The following FOXP1 variants were observed in gnomAD, a reference collection of about 807,000 sequenced individuals.
The protein encoded by FOXP1 is forkhead box protein P1.
Under a neutral mutation model 98.2 loss-of-function variants are expected in FOXP1, and 15 were observed. That is an observed-to-expected ratio of 0.15 (90% CI 0.10 to 0.24). The LOEUF is 0.24. Ranked by LOEUF, FOXP1 falls within the 10% of genes least tolerant of loss-of-function variation. The pLI, the probability that FOXP1 is intolerant of heterozygous loss-of-function variation, is 1.00. For missense variants in FOXP1, 633 were observed against 848.5 expected, an observed-to-expected ratio of 0.75 and a Z score of 3.15; for synonymous variants, 371 against 314.5, an observed-to-expected ratio of 1.18 and a Z score of -1.90.
chr3:71,452,214 A>C (rs2108503860), intron 3 of FOXP1, among the ~76,000 whole-genome samples: 1 of 152,276 alleles, frequency 6.6e-6, no homozygotes, highest in Admixed American at 6.5e-5. Flanking sequence ...CATCAAAAGG[A>C]ACTTTAAAGG....
In FOXP1 at chr3:71,359,195, C is replaced by T. The variant is rs1478307190; in HGVS notation, c.-118G>A. The T allele has an allele frequency of 6.6e-6, 1 of 152,108 alleles. No individual in the cohort carries two copies. Among genetic ancestry groups the T allele is most frequent in the Admixed American group, 6.6e-5 (1 of 15,262 alleles). 9.4% of individuals were successfully genotyped at this position (152,108 alleles called of 1,614,324 possible). A position where few individuals can be genotyped will look rare whatever the true frequency, so the allele number is the denominator to read the frequency against. On this transcript the variant is annotated 5_prime_UTR_variant, in exon 4 of 21. It adds an upstream start codon to the 5' untranslated region. Coordinates refer to ENST00000649528, the MANE Select transcript of FOXP1 (RefSeq NM_001349338.3). Reference sequence around the variant, plus strand: ...CACAGCCATAAAAAGCCTGGGGTCACTGGGAGGGGGCATGCATAATGCCAC... The same window carrying T: ...CACAGCCATAAAAAGCCTGGGGTCATTGGGAGGGGGCATGCATAATGCCAC...
intron 5 of FOXP1, among the ~76,000 whole-genome samples, chr3:71,265,755 T>A (rs2069581651): frequency 1.3e-5 from 2 of 151,924 alleles, no homozygotes; most frequent in Admixed American, 6.6e-5. Context: ...CTGGACCGAC[T>A]CCAAAAGAAC....
intron 3 of FOXP1, among the ~76,000 whole-genome samples, chr3:71,447,632 A>T (rs577592395): frequency 1.3e-5 from 2 of 152,248 alleles, no homozygotes; most frequent in Non-Finnish European, 2.9e-5. Context: ...TCACGCTAGC[A>T]GCATGGTTCT....
chr3:71,330,316 T>C (rs2076216610), intron 4 of FOXP1, among the ~76,000 whole-genome samples: 1 of 152,268 alleles, frequency 6.6e-6, no homozygotes, highest in South Asian at 2.1e-4. Context: ...TTTAATCTTA[T>C]CAATATAAAC....
intron 2 of FOXP1, among the ~76,000 whole-genome samples, chr3:71,549,230 G>A (rs1244760571): frequency 4.6e-5 from 7 of 152,074 alleles, no homozygotes; most frequent in Non-Finnish European, 5.9e-5. Flanking sequence ...TAACACAACC[G>A]AAAGAATGAT....
intron 4 of FOXP1, among the ~76,000 whole-genome samples, chr3:71,313,996 G>A (rs1054283665): frequency 6.6e-6 from 1 of 152,190 alleles, no homozygotes; most frequent in East Asian, 1.9e-4. Context: ...GTGAGCTTAG[G>A]CAAATTGCCT....
At chr3:70,991,854 T>C (rs997348278) in intron 13 of FOXP1, among the ~76,000 whole-genome samples, 2 of 152,214 alleles carry the variant, frequency 1.3e-5, no homozygotes, top group Non-Finnish European at 2.9e-5. Context: ...TGTATGATGC[T>C]TGGTCTGAGT....
intron 17 of FOXP1, among the ~76,000 whole-genome samples, chr3:70,973,539 T>C (rs896901525): frequency 2.0e-5 from 3 of 152,140 alleles, no homozygotes; most frequent in African/African-American, 7.2e-5. Context: ...TAATATCTCA[T>C]CTTTCCTTTG....
intron 3 of FOXP1, among the ~76,000 whole-genome samples, chr3:71,447,557 G>A (rs925622614): frequency 1.3e-5 from 2 of 152,094 alleles, no homozygotes; most frequent in Admixed American, 6.5e-5. Flanking sequence ...TGAAACCATC[G>A]AGGCCTATGT....
intron 19 of FOXP1, chr3:70,969,995 T>A (rs1559593630): frequency 6.6e-6 from 1 of 152,476 alleles, no homozygotes; most frequent in East Asian, 1.9e-4. Flanking sequence ...ATTTAAGAAC[T>A]GAAATGTGCA....
intron 10 of FOXP1, among the ~76,000 whole-genome samples, chr3:71,043,209 T>C (rs921059478): frequency 3.3e-5 from 5 of 152,206 alleles, no homozygotes; most frequent in African/African-American, 9.7e-5. Flanking sequence ...CAGATATTCT[T>C]AGGAGGCATC....
At position 71,501,798 on chromosome 3, in the gene FOXP1, C is replaced by A. The variant is rs868285062; in HGVS notation, c.-297-8243G>T. Among the ~76,000 whole-genome samples, 10 of 152,286 alleles carry A rather than the reference C, an allele frequency of 6.6e-5. No homozygotes were observed. In the South Asian group the frequency reaches 2.1e-3, roughly 32 times the overall value. ...CAATCCACCTTCACGTTTCTGAACT[C>A]GGTGTCTTTTACATCATCTAAGACT... On this transcript the variant is annotated intron_variant, in intron 2 of 20. Transcript: ENST00000649528.
At chr3:70,976,266 C>T (rs914364414) in intron 17 of FOXP1, among the ~76,000 whole-genome samples, 1 of 151,686 alleles carries the variant, frequency 6.6e-6, no homozygotes, top group Admixed American at 6.6e-5. Context: ...GTTGCCCAGG[C>T]TGGTCTCTAA....
intron 3 of FOXP1, among the ~76,000 whole-genome samples, chr3:71,362,200 TCTCG>T (rs1256476829): frequency 1.3e-5 from 2 of 152,108 alleles, no homozygotes; most frequent in Non-Finnish European, 2.9e-5. Context: ...TGAGATGGAG[TCTCG>T]CTCTGTCACC....
At chr3:71,263,797 G>A (rs956505253) in intron 5 of FOXP1, among the ~76,000 whole-genome samples, 5 of 151,780 alleles carry the variant, frequency 3.3e-5, no homozygotes, top group African/African-American at 4.8e-5. Context: ...ACGCTGGAGT[G>A]CAATGGAGTG....
intron 7 of FOXP1, among the ~76,000 whole-genome samples, chr3:71,083,202 C>G (rs1421088863): frequency 6.6e-6 from 1 of 152,134 alleles, no homozygotes; most frequent in Non-Finnish European, 1.5e-5. Flanking sequence ...GTCCTCGTGA[C>G]AGTGAGTTCC....
At chr3:71,166,844 T>TCTA (rs2061421815) in intron 6 of FOXP1, among the ~76,000 whole-genome samples, 1 of 151,980 alleles carries the variant, frequency 6.6e-6, no homozygotes, top group Admixed American at 6.5e-5. Flanking sequence ...TGTGTGTGTG[T>TCTA]CTACATATAT....
intron 5 of FOXP1, among the ~76,000 whole-genome samples, chr3:71,227,288 C>T (rs147708367): frequency 6.6e-6 from 1 of 152,266 alleles, no homozygotes; most frequent in African/African-American, 2.4e-5. Flanking sequence ...TACGTGAAGA[C>T]CACGACCACA....
chr3:71,561,325 C>A (rs370676461), intron 2 of FOXP1, among the ~76,000 whole-genome samples: 1 of 147,210 alleles, frequency 6.8e-6, no homozygotes, highest in Non-Finnish European at 1.5e-5. Flanking sequence ...GGATTATAGG[C>A]GTGAACTACC....
Sources: gnomAD v4.1 joint callset for allele counts (sites outside exome capture counted in the v4.1 genomes callset) on GRCh38, gnomAD v4.1.1 for gene constraint, MANE v1.5 for transcripts, NCBI Gene and HGNC (gene_info 2026-07-23, HGNC 2026-07-21) for gene names.